ADGRG1: variants seen among roughly 807,000 people sequenced by gnomAD.
ADGRG1 encodes adhesion G protein-coupled receptor G1.
ADGRG1 carries 53 observed loss-of-function variants against 73.5 expected under a neutral mutation model. The ratio of observed to expected loss-of-function variants is 0.72; its 90% CI spans 0.58 to 0.91. The LOEUF (loss-of-function observed/expected upper bound fraction) is 0.91, where lower values mean the gene tolerates loss of function less well. Among genes scored for constraint, ADGRG1 ranks in the 40% least tolerant of loss-of-function variants. ADGRG1 has a pLI of 0.00. For synonymous variants in ADGRG1, 394 were observed against 374.4 expected (o/e 1.05, Z -0.60); for missense variants, 795 against 871.8 (o/e 0.91, Z 1.11).
chr16:57,663,555 G>C lies in ADGRG1; in HGVS notation c.2037G>C (p.Ser679=), dbSNP rs186736979. The part of the protein sequence containing the change: ...NSDSARLPIS[S]GSTSSSRI ...ACAGCGCCAGGCTCCCCATCAGCTC[G>C]GGCAGCACCTCGTCCAGCCGCATCT... is the stretch of plus-strand genomic sequence containing the variant. Residue 679 remains serine (S), a synonymous_variant, in exon 14 of 14, where the codon TCG becomes TCC. Transcript: ENST00000562631. 1.9e-6 allele frequency: 3 copies of C among 1,613,636 alleles called. No homozygotes were observed. The highest frequency in any genetic ancestry group is 1.1e-5 in the South Asian group (1 of 91,086).
intron 2 of ADGRG1, among the ~76,000 whole-genome samples, chr16:57,650,810 G>C (rs1331023176): frequency 6.9e-6 from 1 of 144,216 alleles, no homozygotes; most frequent in East Asian, 2.1e-4. Flanking sequence ...CCGGGTTCAC[G>C]CCATTCTCCT....
chr16:57,655,491 ACTC>A lies in ADGRG1; in HGVS notation c.867_869del (p.Leu290del). 2 of 1,613,282 alleles carry A rather than the reference ACTC, an allele frequency of 1.2e-6. No homozygotes were observed. The highest frequency in any genetic ancestry group is 1.7e-5 in the Admixed American group (1 of 59,988). On this transcript the variant is annotated inframe_deletion, in exon 6 of 14. Coordinates refer to ENST00000562631, the MANE Select transcript of ADGRG1 (RefSeq NM_201525.4). ...GCCGGAGCGGGGAGGCTGAGAAGAG[ACTC>A]CTCCTGGTGGACTTCAGCAGCCAAG...
chr16:57,631,711 G>C, intron 1 of ADGRG1: 1 of 985,384 alleles, frequency 1.0e-6, no homozygotes, highest in Non-Finnish European at 1.2e-6. Context: ...CTGGCACAAA[G>C]GGGTCTCTCA....
At chr16:57,647,825 T>C in intron 1 of ADGRG1, 1 of 962,988 alleles carries the variant, frequency 1.0e-6, no homozygotes, top group Non-Finnish European at 1.2e-6. Flanking sequence ...TGTGTCTGGA[T>C]TTCTTCCGTG....
At chr16:57,630,452 C>T (rs917959012) in intron 1 of ADGRG1, 6 of 985,740 alleles carry the variant, frequency 6.1e-6, no homozygotes, top group African/African-American at 3.5e-5. Context: ...TCTCCTCTCG[C>T]CTCAGGAGCT....
At chr16:57,657,234 A>G (rs1343313415) in intron 9 of ADGRG1, 139 bp from the exon 10 acceptor site, 6 of 1,228,588 alleles carry the variant, frequency 4.9e-6, no homozygotes, top group Admixed American at 2.1e-5. Flanking sequence ...TTATGGGACC[A>G]CATTCTGCTC....
rs1383892751 is a variant in ADGRG1 at position 57,651,413 on chromosome 16, A to C, written c.278A>C (p.Tyr93Ser). 6.2e-7 allele frequency: 1 copy of C among 1,613,934 alleles called. No individual in the cohort carries two copies. Among genetic ancestry groups the C allele is most frequent in the East Asian group, 2.2e-5 (1 of 44,884 alleles). Residue 93 changes from tyrosine to serine, a missense_variant, in exon 3 of 14, where the codon TAC (tyrosine) becomes TCC (serine). Transcript: ENST00000562631. ...DPRGLYHFCL[Y>S]WNRHAGRLHL... ...AGGGGCCTCTACCACTTCTGCCTCT[A>C]CTGGAACCGACATGCTGGGAGATTA...
chr16:57,625,880 A>G (rs2035740267), upstream of ADGRG1, among the ~76,000 whole-genome samples: 1 of 152,010 alleles, frequency 6.6e-6, no homozygotes, highest in Non-Finnish European at 1.5e-5. Context: ...ACCTCAGCCA[A>G]TGCTGTTCCC....
chr16:57,640,802 G>C lies in ADGRG1; in HGVS notation c.-35-9451G>C, dbSNP rs149617393. 970 of 780,738 alleles carry C rather than the reference G, an allele frequency of 1.2e-3. 6 individuals are homozygous for C. In the African/African-American group the frequency reaches 0.016, roughly 13 times the overall value. 48.4% of individuals were successfully genotyped at this position (780,738 alleles called of 1,614,324 possible). Reference sequence around the variant, plus strand: ...GGGAGGAAAAAAGAAAGGGAGGGTTGGTGGCCAGCCTGGGAATGCTAAGTG... The same window carrying C: ...GGGAGGAAAAAAGAAAGGGAGGGTTCGTGGCCAGCCTGGGAATGCTAAGTG... On this transcript the variant is annotated intron_variant, in intron 1 of 13. Transcript: ENST00000562631.
intron 1 of ADGRG1, chr16:57,634,386 T>G: frequency 1.0e-6 from 1 of 985,402 alleles, no homozygotes; most frequent in South Asian, 4.7e-5. Context: ...CCACTGCTCC[T>G]CTGCTGTGTC....
rs2148227736 is a variant in ADGRG1, at chr16:57,651,243, C to T, written c.108C>T (p.Ser36=). The T allele has an allele frequency of 6.2e-7, 1 of 1,614,184 alleles. No homozygotes were observed. Among genetic ancestry groups the T allele is most frequent in the Non-Finnish European group, 8.5e-7 (1 of 1,180,018 alleles). Residue 36 remains serine (S), a synonymous_variant, in exon 3 of 14, where the codon AGC becomes AGT. Transcript: ENST00000562631. ...RGHREDFRFC[S]QRNQTHRSSL... is the part of the protein sequence containing the mutation. ...ACAGGGAAGACTTTCGCTTCTGCAG[C>T]CAGCGGAACCAGACACACAGGAGCA...
chr16:57,631,698 G>T, intron 1 of ADGRG1: 1 of 985,402 alleles, frequency 1.0e-6, no homozygotes, highest in Non-Finnish European at 1.2e-6. Flanking sequence ...GGGGCGGGGC[G>T]GGCTGGCACA....
In ADGRG1 at chr16:57,644,658, A is replaced by C. The variant is rs200646658; in HGVS notation, c.-35-5595A>C. Among the ~76,000 whole-genome samples, 127 of 129,810 alleles carry C rather than the reference A, an allele frequency of 9.8e-4. 1 individual carries two copies. The highest frequency in any genetic ancestry group is 8.8e-3 in the East Asian group (30 of 3,400). 85.2% of individuals were successfully genotyped at this position (129,810 alleles called of 152,430 possible). On this transcript the variant is annotated intron_variant, in intron 1 of 13. Transcript: ENST00000562631. ...CACTCATGCATGGGCACGCACACTC[A>C]TCACACACTCCTCACACACTCATGC...
At position 57,651,458 on chromosome 16, in the gene ADGRG1, G is replaced by T; in HGVS notation, c.323G>T (p.Arg108Leu). 6.2e-7 allele frequency: 1 copy of T among 1,614,204 alleles called. No homozygotes were observed. Among genetic ancestry groups the T allele is most frequent in the Non-Finnish European group, 8.5e-7 (1 of 1,180,028 alleles). ...AGRLHLLYGKRDFLLSDKASS... is the reference protein window; with the variant it reads ...AGRLHLLYGKLDFLLSDKASS... ...AGATTACATCTTCTCTATGGCAAGC[G>T]TGACTTCTTGCTGAGTGACAAAGCC... The change falls in exon 3 of 14, where the codon CGT becomes CTT. Residue 108 changes from arginine to leucine, a missense_variant. Physicochemically the swap from Arg to Leu is moderately radical, Grantham distance 102. Coordinates refer to ENST00000562631, the MANE Select transcript of ADGRG1 (RefSeq NM_201525.4).
rs572004118 is a variant in ADGRG1 at position 57,631,694 on chromosome 16, G to A, written c.-36+2892G>A. The A allele has an allele frequency of 1.3e-4, 127 of 985,580 alleles. No homozygotes were observed. In the African/African-American group the frequency reaches 2.2e-3, roughly 17 times the overall value. 61.1% of individuals were successfully genotyped at this position (985,580 alleles called of 1,614,324 possible). ...CTGGGCAGATGGCAAATGGGGGGCG[G>A]GGCGGGCTGGCACAAAGGGGTCTCT... On this transcript the variant is annotated intron_variant, in intron 1 of 13. Coordinates refer to ENST00000562631, the MANE Select transcript of ADGRG1 (RefSeq NM_201525.4).
Position 57,656,582 on chromosome 16 carries a change from T to C in ADGRG1, c.1132T>C (p.Phe378Leu), listed in dbSNP as rs2045794551. 2 of 1,613,390 alleles carry C rather than the reference T, an allele frequency of 1.2e-6. No homozygotes were observed. Among genetic ancestry groups the C allele is most frequent in the African/African-American group, 1.3e-5 (1 of 74,924 alleles). The change falls in exon 9 of 14, where the codon TTC (phenylalanine) becomes CTC (leucine). Residue 378 changes from phenylalanine (F) to leucine (L), a missense_variant. Transcript: ENST00000562631. ...CAGGAGAGAAACCCAAACATCCTGCTTCTGCAACCACTTGACCTACTTTGC... is the reference window on the plus strand; with the variant it reads ...CAGGAGAGAAACCCAAACATCCTGCCTCTGCAACCACTTGACCTACTTTGC... ...TVRRETQTSC[F>L]CNHLTYFAVL...
At chr16:57,648,532 G>T (rs2043230881) in intron 1 of ADGRG1, 1 of 976,262 alleles carries the variant, frequency 1.0e-6, no homozygotes, top group African/African-American at 1.8e-5. Flanking sequence ...AAGGGGCCAG[G>T]TTTATTTGAG....
chr16:57,654,975 C>T (rs1330222910), intron 5 of ADGRG1: 4 of 795,150 alleles, frequency 5.0e-6, no homozygotes, highest in South Asian at 1.1e-4. Flanking sequence ...TCGCCCTGGC[C>T]TCTCAAAGTG....
Position 57,644,162 on chromosome 16 carries a change from C to T in ADGRG1, c.-35-6091C>T, listed in dbSNP as rs149880253. The T allele has an allele frequency of 1.0e-3, 1,024 of 985,260 alleles. 11 individuals are homozygous for T. In the African/African-American group the frequency reaches 0.017, roughly 16 times the overall value. 61.0% of individuals were successfully genotyped at this position (985,260 alleles called of 1,614,324 possible). A position where few individuals can be genotyped will look rare whatever the true frequency, so the allele number is the denominator to read the frequency against. On this transcript the variant is annotated intron_variant, in intron 1 of 13. Transcript: ENST00000562631. ...AAGTCTGTTCCTCTGAGGAGCTCCCCGCCTTCTCTTGCTTTCTCCTCCTGG... is the reference window on the plus strand; with the variant it reads ...AAGTCTGTTCCTCTGAGGAGCTCCCTGCCTTCTCTTGCTTTCTCCTCCTGG...
Sources: allele counts gnomAD v4.1 joint callset (sites outside exome capture counted in the v4.1 genomes callset), GRCh38; gene constraint gnomAD v4.1.1; transcripts MANE v1.5; gene names NCBI Gene and HGNC (gene_info 2026-07-23, HGNC 2026-07-21).